GRAMD4: variants seen among roughly 807,000 people sequenced by gnomAD.
GRAMD4 encodes GRAM domain-containing protein 4.
GRAMD4 carries 25 observed loss-of-function variants against 83.9 expected under a neutral mutation model. The ratio of observed to expected loss-of-function variants is 0.30; its 90% CI spans 0.22 to 0.42. GRAMD4 has a LOEUF of 0.42. GRAMD4 is among the 10% of genes least tolerant of loss of function. GRAMD4 has a pLI of 1.00. For synonymous variants in GRAMD4, 336 were observed against 320.9 expected, an observed-to-expected ratio of 1.05 and a Z score of -0.50; for missense variants, 593 against 788.7, an observed-to-expected ratio of 0.75 and a Z score of 2.97.
rs2082290352 is a variant in GRAMD4 at position 46,659,157 on chromosome 22, C to T, written c.404+850C>T. Among the ~76,000 whole-genome samples, 1 of 152,100 alleles carries T rather than the reference C, an allele frequency of 6.6e-6. No homozygotes were observed. The highest frequency in any genetic ancestry group is 6.5e-5 in the Admixed American group (1 of 15,286). Reference sequence around the variant, plus strand: ...CAGGCCTCCCGCTCAGCCTCCACTCCAGCAACCTCCTGCTTCGGCCTCCCT... The same window carrying T: ...CAGGCCTCCCGCTCAGCCTCCACTCTAGCAACCTCCTGCTTCGGCCTCCCT... On this transcript the variant is annotated intron_variant, in intron 4 of 18. Coordinates refer to ENST00000406902, the MANE Select transcript of GRAMD4 (RefSeq NM_015124.5). The surrounding 1 kb of genome is among the most constrained non-coding windows in gnomAD (Gnocchi z 4.1).
chr22:46,586,371 A>C (rs1468756523), intron 1 of GRAMD4, among the ~76,000 whole-genome samples: 1 of 150,386 alleles, frequency 6.6e-6, no homozygotes, highest in Non-Finnish European at 1.5e-5. Context: ...GTCCGGTGCG[A>C]TGGTCGGAGG....
At chr22:46,682,273 C>G (rs924394262), downstream of GRAMD4, 8 of 249,524 alleles carry the variant, frequency 3.2e-5, no homozygotes, top group Non-Finnish European at 5.1e-5. Context: ...GCCATCCTCT[C>G]TGCTCAACTC....
At chr22:46,645,184 G>C (rs927117490) in intron 3 of GRAMD4, among the ~76,000 whole-genome samples, 2 of 151,932 alleles carry the variant, frequency 1.3e-5, no homozygotes, top group African/African-American at 4.8e-5. Context: ...TGATGTCTTG[G>C]GTATAGTGGG....
chr22:46,648,847 C>CATGGATGGATGGATGCATGGATGGATGG (rs2082119030), intron 3 of GRAMD4, among the ~76,000 whole-genome samples: 4 of 17,106 alleles, frequency 2.3e-4, no homozygotes, highest in African/African-American at 7.9e-4. Context: ...TGGATGGATG[C>CATGGATGGATGGATGCATGGATGGATGG]ATGGATGGAT....
At chr22:46,608,989 G>A (rs5769022) in intron 1 of GRAMD4, among the ~76,000 whole-genome samples, 130,771 of 151,594 alleles carry the variant, frequency 0.86, 56,569 homozygotes, top group East Asian at 1. Flanking sequence ...GGATCACTGG[G>A]CAGTGGCACG....
chr22:46,667,991 G>A (rs2082435984), intron 10 of GRAMD4, 105 bp from the exon 11 acceptor site: 2 of 769,576 alleles, frequency 2.6e-6, no homozygotes, highest in Non-Finnish European at 4.4e-6. Context: ...GGCTGTGTGG[G>A]GACAGCAGAG....
chr22:46,674,452 C>T (rs1601688779), intron 15 of GRAMD4, among the ~76,000 whole-genome samples: 1 of 152,336 alleles, frequency 6.6e-6, no homozygotes, highest in East Asian at 1.9e-4. Context: ...AAAACCCTGC[C>T]AGTGCCTGTT....
At chr22:46,636,797 C>T (rs1421091842) in intron 2 of GRAMD4, among the ~76,000 whole-genome samples, 3 of 152,240 alleles carry the variant, frequency 2.0e-5, no homozygotes, top group Non-Finnish European at 4.4e-5. Context: ...TGCTTTCTGT[C>T]CCATCAGCAG....
rs371343461 is a variant in GRAMD4 at position 46,663,034 on chromosome 22, C to G, written c.467-6C>G. On this transcript the variant is annotated splice_polypyrimidine_tract_variant and splice_region_variant and intron_variant, in intron 5 of 18. Transcript: ENST00000406902. ...CGTGCCCTCACCGGGTCCCTGCCCCCTGCAGAGCGCCGGAGCCAGGGGCTG... is the reference window on the plus strand; with the variant it reads ...CGTGCCCTCACCGGGTCCCTGCCCCGTGCAGAGCGCCGGAGCCAGGGGCTG... The G allele has an allele frequency of 6.2e-7, 1 of 1,604,158 alleles. No individual in the cohort carries two copies.
chr22:46,595,245 A>T (rs1410420473), intron 1 of GRAMD4, among the ~76,000 whole-genome samples: 5 of 152,180 alleles, frequency 3.3e-5, no homozygotes, highest in Non-Finnish European at 5.9e-5. Flanking sequence ...CATGCGACGC[A>T]GCGGGTCTGC....
upstream of GRAMD4, among the ~76,000 whole-genome samples, chr22:46,616,387 C>T (rs1335687430): frequency 1.4e-5 from 1 of 72,908 alleles, no homozygotes; most frequent in Non-Finnish European, 2.9e-5. Context: ...TGTAGGTTCC[C>T]CTGTGCGTGT....
In GRAMD4 at chr22:46,584,904, G is replaced by A. The variant is rs117258557; in HGVS notation, c.-50+7614G>A. Among the ~76,000 whole-genome samples the A allele has an allele frequency of 3.6e-3, 543 of 152,308 alleles. 11 individuals carry two copies. Among genetic ancestry groups the A allele is most frequent in the East Asian group, 5.6e-3 (29 of 5,182 alleles). On this transcript the variant is annotated intron_variant, in intron 1 of 1. Coordinates refer to the GRAMD4 transcript ENST00000431155. ...GGGAAGGAGGAGAAAGGCTGCCGGC[G>A]GGACGCTTTAGAGCTCAGACAAATC...
rs1569311101 is a variant in GRAMD4 at position 46,678,105 on chromosome 22, TC to T, written c.*856del. The T allele has an allele frequency of 3.0e-6, 3 of 985,410 alleles. No individual in the cohort carries two copies. The African/African-American group carries it at 5.2e-5, about 17-fold the overall frequency. The allele number at this position is 985,410 out of a possible 1,614,324, so 61.0% of individuals were successfully genotyped here. A position where few individuals can be genotyped will look rare whatever the true frequency, so the allele number is the denominator to read the frequency against. On this transcript the variant is annotated 3_prime_UTR_variant, in exon 19 of 19. Coordinates refer to ENST00000406902, the MANE Select transcript of GRAMD4 (RefSeq NM_015124.5). ...GCTCTTTGGAAGGCCCAGGAGAACA[TC>T]CGCGAAGGCTGTTGGAGGTGCTCCG...
At chr22:46,681,832 T>A (rs1471566757), downstream of GRAMD4, among the ~76,000 whole-genome samples, 1 of 152,148 alleles carries the variant, frequency 6.6e-6, no homozygotes, top group Non-Finnish European at 1.5e-5. Flanking sequence ...TGGACCAAAG[T>A]GAGTGACGCT....
At chr22:46,680,270 G>A (rs189095086), downstream of GRAMD4, among the ~76,000 whole-genome samples, 5 of 152,194 alleles carry the variant, frequency 3.3e-5, no homozygotes, top group East Asian at 9.7e-4. Flanking sequence ...AGACACAGAA[G>A]GGTGCAAGGA....
chr22:46,672,512 G>C lies in GRAMD4; in HGVS notation c.1085-331G>C, dbSNP rs1175118919. Among the ~76,000 whole-genome samples the C allele has an allele frequency of 2.0e-5, 3 of 151,646 alleles. No homozygotes were observed. Among genetic ancestry groups the C allele is most frequent in the African/African-American group, 7.3e-5 (3 of 41,224 alleles). On this transcript the variant is annotated intron_variant, in intron 13 of 18. Coordinates refer to ENST00000406902, the MANE Select transcript of GRAMD4 (RefSeq NM_015124.5). This position sits in a 1 kb window ranked among gnomAD's most constrained non-coding sequence, Gnocchi z 4.7. The stretch of plus-strand genomic sequence containing the variant: ...TCCTGAAGTGTTTCAGGTGGGTCAA[G>C]AACAGCCCTGAGCCAGGCGGAGTTG...
intron 1 of GRAMD4, among the ~76,000 whole-genome samples, chr22:46,584,246 G>T (rs1367189027): frequency 2.0e-5 from 3 of 151,976 alleles, no homozygotes; most frequent in African/African-American, 7.3e-5. Context: ...TTTGTTGGAG[G>T]GCAGAATCGG....
At chr22:46,668,620 C>T in intron 11 of GRAMD4, 69 bp from the exon 12 acceptor site, 1 of 1,449,886 alleles carries the variant, frequency 6.9e-7, no homozygotes, top group Non-Finnish European at 9.7e-7. Flanking sequence ...GGAGGCCCTC[C>T]TGGCGTCGCG....
chr22:46,585,482 G>A (rs367791453), intron 1 of GRAMD4, among the ~76,000 whole-genome samples: 3 of 152,202 alleles, frequency 2.0e-5, no homozygotes, highest in Admixed American at 6.5e-5. Flanking sequence ...GAGCCACCGC[G>A]CCCGGCTGCC....
Sources: gnomAD v4.1 joint callset for allele counts (sites outside exome capture counted in the v4.1 genomes callset) on GRCh38, gnomAD v4.1.1 for gene constraint, Gnocchi (gnomAD v3.1) non-coding constraint, MANE v1.5 for transcripts, NCBI Gene and HGNC (gene_info 2026-07-23, HGNC 2026-07-21) for gene names.